LRP1B: variants seen among roughly 807,000 people sequenced by gnomAD.
LRP1B encodes LDL receptor related protein 1B.
LRP1B carries 217 observed loss-of-function variants against 556.6 expected under a neutral mutation model. That is an observed-to-expected ratio of 0.39 (90% CI 0.35 to 0.44). The LOEUF (loss-of-function observed/expected upper bound fraction) is 0.44. LRP1B is among the 20% of genes least tolerant of loss of function. The pLI is 1.00. For missense variants in LRP1B, 5,053 were observed against 5,620.8 expected, an observed-to-expected ratio of 0.90 and a Z score of 3.23; for synonymous variants, 2,047 against 1,865.8, an observed-to-expected ratio of 1.10 and a Z score of -2.50.
rs757316502 is a variant in LRP1B at position 140,770,878 on chromosome 2, T to C, written c.5626+3A>G. ...AGAGGTAAGGTTTTTCATGAACTCA[T>C]ACCTTGACATGACATACGGTTCTTT... On this transcript the variant is annotated splice_donor_region_variant and intron_variant, in intron 34 of 90. Coordinates refer to ENST00000389484, the MANE Select transcript of LRP1B (RefSeq NM_018557.3). 2 of 1,554,282 alleles carry C rather than the reference T, an allele frequency of 1.3e-6. No individual in the cohort carries two copies. The highest frequency in any genetic ancestry group is 1.7e-6 in the Non-Finnish European group (2 of 1,157,568).
At chr2:140,449,391 G>GT (rs1446736634) in intron 63 of LRP1B, among the ~76,000 whole-genome samples, 2 of 151,736 alleles carry the variant, frequency 1.3e-5, no homozygotes, top group African/African-American at 4.8e-5. Flanking sequence ...AACTTAATAG[G>GT]TTTTTTGAAA....
At chr2:140,754,943 GA>G (rs1332775435) in intron 35 of LRP1B, among the ~76,000 whole-genome samples, 2 of 151,478 alleles carry the variant, frequency 1.3e-5, no homozygotes, top group Non-Finnish European at 2.9e-5. Context: ...GGCAAATGGA[GA>G]AAAAAATGAA....
chr2:142,111,806 T>C (rs1706997023), intron 1 of LRP1B, among the ~76,000 whole-genome samples: 2 of 152,256 alleles, frequency 1.3e-5, no homozygotes, highest in South Asian at 4.1e-4. Flanking sequence ...TTATTACTAA[T>C]ACTGCTACTA....
At chr2:141,816,206 T>C (rs959554536) in intron 1 of LRP1B, among the ~76,000 whole-genome samples, 2 of 152,170 alleles carry the variant, frequency 1.3e-5, no homozygotes, top group Non-Finnish European at 2.9e-5. Context: ...GTCAACTTGA[T>C]TGCATTGAAG....
At chr2:140,588,966 G>GAA (rs34845216) in intron 43 of LRP1B, among the ~76,000 whole-genome samples, 1 of 134,016 alleles carries the variant, frequency 7.5e-6, no homozygotes. Flanking sequence ...CCGTCTCAAA[G>GAA]AAAAAAAAAA....
intron 12 of LRP1B, among the ~76,000 whole-genome samples, chr2:141,016,209 T>G (rs919843577): frequency 1.3e-5 from 2 of 152,092 alleles, no homozygotes; most frequent in Non-Finnish European, 2.9e-5. Context: ...TATCTATTTT[T>G]GGGGGCTGTT....
At chr2:140,379,540 C>A (rs1274229000) in intron 67 of LRP1B, among the ~76,000 whole-genome samples, 1 of 152,010 alleles carries the variant, frequency 6.6e-6, no homozygotes, top group Non-Finnish European at 1.5e-5. Context: ...ACTAAAAATA[C>A]AAAAATTAGC....
intron 89 of LRP1B, among the ~76,000 whole-genome samples, chr2:140,235,258 A>AT (rs1680646308): frequency 6.6e-6 from 1 of 151,308 alleles, no homozygotes; most frequent in African/African-American, 2.4e-5. Context: ...AATCAATTTT[A>AT]TTAACTGCAT....
At chr2:141,082,686 G>C (rs1490139122) in intron 7 of LRP1B, among the ~76,000 whole-genome samples, 2 of 152,154 alleles carry the variant, frequency 1.3e-5, no homozygotes, top group African/African-American at 4.8e-5. Flanking sequence ...GATCAGGTGT[G>C]GCAGTAAGGG....
At chr2:141,601,345 G>C (rs1266907095) in intron 2 of LRP1B, among the ~76,000 whole-genome samples, 1 of 152,030 alleles carries the variant, frequency 6.6e-6, no homozygotes, top group African/African-American at 2.4e-5. Flanking sequence ...TCTCCATGCT[G>C]TACCTATAAG....
chr2:140,847,400 T>A (rs1426814688), intron 29 of LRP1B, among the ~76,000 whole-genome samples: 1 of 152,234 alleles, frequency 6.6e-6, no homozygotes, highest in Non-Finnish European at 1.5e-5. Context: ...TTTCAGCTTG[T>A]ACAGATACAT....
rs532039661 is a variant in LRP1B at position 141,292,393 on chromosome 2, A to C, written c.344-37752T>G. On this transcript the variant is annotated intron_variant, in intron 3 of 90. Coordinates refer to ENST00000389484, the MANE Select transcript of LRP1B (RefSeq NM_018557.3). ...CTATCAACTCATAGTTCAGTATAAA[A>C]AGAAAATGAAAGAAAATCATTGCCC... Among the ~76,000 whole-genome samples the C allele has an allele frequency of 1.4e-4, 21 of 152,266 alleles. No homozygotes were observed. In the South Asian group the frequency reaches 2.3e-3, roughly 17 times the overall value.
At chr2:140,771,045 A>T (rs1689293589) in intron 33 of LRP1B, 39 bp from the exon 34 acceptor site, 1 of 1,493,288 alleles carries the variant, frequency 6.7e-7, no homozygotes, top group Non-Finnish European at 9.0e-7. Context: ...CTTTAATGAA[A>T]TTTTTAAAAA....
intron 2 of LRP1B, among the ~76,000 whole-genome samples, chr2:141,506,681 A>G (rs1286271964): frequency 2.0e-5 from 3 of 152,088 alleles, no homozygotes; most frequent in Non-Finnish European, 2.9e-5. Flanking sequence ...AGTATGTTAT[A>G]ATATAGATAT....
At chr2:141,022,598 G>T (rs1198012603) in intron 11 of LRP1B, among the ~76,000 whole-genome samples, 2 of 151,808 alleles carry the variant, frequency 1.3e-5, no homozygotes, top group African/African-American at 2.4e-5. Flanking sequence ...TATTCAAAGG[G>T]GTCTGGTTGG....
chr2:140,477,323 T>A (rs2105350721), intron 59 of LRP1B, among the ~76,000 whole-genome samples: 1 of 152,212 alleles, frequency 6.6e-6, no homozygotes, highest in Non-Finnish European at 1.5e-5. Flanking sequence ...TGATTAAATT[T>A]ATTTGTGCTT....
chr2:141,948,616 T>TCTTGATGAGTTTATCAATG (rs1355756195), intron 1 of LRP1B, among the ~76,000 whole-genome samples: 2 of 151,896 alleles, frequency 1.3e-5, no homozygotes, highest in East Asian at 3.9e-4. Context: ...TGTGATAAAC[T>TCTTGATGAGTTTATCAATG]CTTGATGAGC....
intron 4 of LRP1B, 147 bp from the exon 5 acceptor site, chr2:141,247,501 A>G: frequency 1.3e-6 from 1 of 779,566 alleles, no homozygotes; most frequent in Non-Finnish European, 2.0e-6. Context: ...CACACTAACT[A>G]AAAATTAAAA....
At chr2:141,559,107 T>C (rs999820145) in intron 2 of LRP1B, among the ~76,000 whole-genome samples, 6 of 151,656 alleles carry the variant, frequency 4.0e-5, no homozygotes, top group Admixed American at 4.0e-4. Flanking sequence ...TGCATCATAA[T>C]TAAATATTAA....
Sources: gnomAD v4.1 joint callset for allele counts (sites outside exome capture counted in the v4.1 genomes callset) on GRCh38, gnomAD v4.1.1 for gene constraint, MANE v1.5 for transcripts, NCBI Gene and HGNC (gene_info 2026-07-23, HGNC 2026-07-21) for gene names.